RASSF3: variants seen among roughly 807,000 people sequenced by gnomAD.
RASSF3 encodes the protein Ras association domain family member 3, also known as ras association domain-containing protein 3.
A neutral mutation model predicts 19.9 loss-of-function variants in RASSF3; 19 were observed. That is an observed-to-expected ratio of 0.96 (90% CI 0.67 to 1.40). The LOEUF is 1.40. Among genes scored for constraint, RASSF3 ranks in the 40% most tolerant of loss-of-function variants. RASSF3 has a pLI of 0.00. For missense variants in RASSF3, 306 were observed against 289.8 expected, an observed-to-expected ratio of 1.06 and a Z score of -0.41; for synonymous variants, 110 against 104.2, an observed-to-expected ratio of 1.06 and a Z score of -0.34.
intron 2 of RASSF3, among the ~76,000 whole-genome samples, chr12:64,555,233 C>T (rs558359195): frequency 6.6e-6 from 1 of 150,780 alleles, no homozygotes; most frequent in African/African-American, 2.4e-5. Flanking sequence ...CAGAGTCAGA[C>T]TCTGTCAAAA....
chr12:64,682,878 T>G (rs1873190837), intron 1 of RASSF3, among the ~76,000 whole-genome samples: 1 of 152,218 alleles, frequency 6.6e-6, no homozygotes, highest in African/African-American at 2.4e-5. Flanking sequence ...CTGTTCTTCC[T>G]CTCTTTGTGT....
rs538959291 is a variant in RASSF3, at chr12:64,581,313, A to C, written c.294+39608A>C. Among the ~76,000 whole-genome samples the C allele has an allele frequency of 1.1e-4, 17 of 152,238 alleles. No individual in the cohort carries two copies. The South Asian group carries it at 3.5e-3, about 32-fold the overall frequency. On this transcript the variant is annotated intron_variant, in intron 2 of 5. Transcript: ENST00000637125. ...GGCTATCAGAGAAGAATTTATTAGA[A>C]CTCTACACGTAGCTTATAAGGGACC...
intron 1 of RASSF3, among the ~76,000 whole-genome samples, chr12:64,675,142 G>A (rs531601633): frequency 3.2e-4 from 48 of 148,134 alleles, no homozygotes; most frequent in African/African-American, 1.0e-3. Context: ...TGGGGATTGC[G>A]TGTGCTAATA....
chr12:64,695,005 A>G lies in RASSF3; in HGVS notation c.*93A>G. On this transcript the variant is annotated 3_prime_UTR_variant, in exon 5 of 5. Transcript: ENST00000542104. ...TCTCAGAGGGCTGCTGTCTTGCCCC[A>G]CTATGCTAGGGTCTTCGCCTTTCTA... 1.4e-6 allele frequency: 2 copies of G among 1,391,086 alleles called. No individual in the cohort carries two copies. Among genetic ancestry groups the G allele is most frequent in the South Asian group, 1.3e-5 (1 of 78,166 alleles). The allele number at this position is 1,391,086 out of a possible 1,614,324, so 86.2% of individuals were successfully genotyped here. A position where few individuals can be genotyped will look rare whatever the true frequency, so the allele number is the denominator to read the frequency against.
intron 1 of RASSF3, among the ~76,000 whole-genome samples, chr12:64,637,018 A>T: frequency 1.3e-5 from 2 of 152,162 alleles, no homozygotes; most frequent in Non-Finnish European, 2.9e-5. Context: ...TCCTCCCTAC[A>T]TATATTCCCA....
intron 2 of RASSF3, 119 bp downstream of exon 2, chr12:64,685,013 G>GTA: frequency 1.5e-6 from 1 of 646,720 alleles, no homozygotes. Context: ...AGTAGTCAAG[G>GTA]TATACAGAAC....
intron 1 of RASSF3, among the ~76,000 whole-genome samples, chr12:64,656,787 A>G (rs1199002836): frequency 2.0e-5 from 3 of 152,210 alleles, no homozygotes; most frequent in Non-Finnish European, 2.9e-5. Flanking sequence ...TTTGTGGACC[A>G]TTTTAGGCTG....
chr12:64,553,303 C>T (rs1353801413), intron 2 of RASSF3, among the ~76,000 whole-genome samples: 2 of 152,128 alleles, frequency 1.3e-5, no homozygotes, highest in African/African-American at 4.8e-5. Context: ...AAGCAAACAG[C>T]TATATGTCTA....
chr12:64,615,411 T>C (rs556466012), intron 1 of RASSF3, among the ~76,000 whole-genome samples: 6 of 152,062 alleles, frequency 3.9e-5, no homozygotes, highest in African/African-American at 1.4e-4. Context: ...ACCCACACTT[T>C]AAAAAAAATT....
intron 2 of RASSF3, among the ~76,000 whole-genome samples, chr12:64,572,174 G>A (rs560534224): frequency 3.3e-5 from 5 of 152,154 alleles, no homozygotes; most frequent in South Asian, 2.1e-4. Context: ...GAGCTGAATC[G>A]TGTTCCCCCA....
chr12:64,617,801 CCCG>C (rs1453030281), intron 1 of RASSF3, among the ~76,000 whole-genome samples: 1 of 152,164 alleles, frequency 6.6e-6, no homozygotes, highest in African/African-American at 2.4e-5. Context: ...TTGTGATCTG[CCCG>C]CCTCGGCCTC....
intron 1 of RASSF3, among the ~76,000 whole-genome samples, chr12:64,678,877 A>C (rs1476717155): frequency 6.6e-6 from 1 of 151,706 alleles, no homozygotes; most frequent in Non-Finnish European, 1.5e-5. Flanking sequence ...TGCACATTTT[A>C]CAGTAATGAG....
intron 2 of RASSF3, among the ~76,000 whole-genome samples, chr12:64,591,427 G>A (rs770432645): frequency 2.7e-4 from 41 of 151,482 alleles, no homozygotes; most frequent in Non-Finnish European, 5.0e-4. Flanking sequence ...AGTGAGCCGA[G>A]ATCCCGCCAC....
intron 1 of RASSF3, among the ~76,000 whole-genome samples, chr12:64,678,469 G>A (rs942392339): frequency 3.3e-5 from 5 of 152,118 alleles, no homozygotes; most frequent in Non-Finnish European, 7.3e-5. Context: ...AGAGCTCTGG[G>A]ACCTCCTAGT....
At chr12:64,545,528 A>G (rs1385321957), downstream of RASSF3, among the ~76,000 whole-genome samples, 2 of 152,240 alleles carry the variant, frequency 1.3e-5, no homozygotes, top group East Asian at 3.9e-4. Context: ...AGAGAGTGCC[A>G]GATTTGATTT....
At chr12:64,654,029 T>C (rs1872059391) in intron 1 of RASSF3, 1 of 152,294 alleles carries the variant, frequency 6.6e-6, no homozygotes, top group African/African-American at 2.4e-5. Flanking sequence ...ATGATGTTGC[T>C]TCAGTGTCAG....
intron 1 of RASSF3, among the ~76,000 whole-genome samples, chr12:64,514,029 G>A (rs572039051): frequency 6.7e-6 from 1 of 149,606 alleles, no homozygotes; most frequent in South Asian, 2.1e-4. Context: ...TCAGGAGCAC[G>A]CCACCACACC....
At chr12:64,521,734 G>A (rs73315546) in intron 1 of RASSF3, among the ~76,000 whole-genome samples, 2,813 of 152,304 alleles carry the variant, frequency 0.018, 78 homozygotes, top group African/African-American at 0.063. Flanking sequence ...ATTCTACACT[G>A]AAACATTGTA....
chr12:64,518,812 C>T (rs573251759), intron 1 of RASSF3, among the ~76,000 whole-genome samples: 1 of 152,316 alleles, frequency 6.6e-6, no homozygotes, highest in East Asian at 1.9e-4. Context: ...TATCTACCTG[C>T]TCTTGTTATC....
Sources: allele counts gnomAD v4.1 joint callset (sites outside exome capture counted in the v4.1 genomes callset), GRCh38; gene constraint gnomAD v4.1.1; transcripts MANE v1.5; gene names NCBI Gene and HGNC (gene_info 2026-07-23, HGNC 2026-07-21).